CTBP2: variants seen among roughly 807,000 people sequenced by gnomAD.
The protein encoded by CTBP2 is C-terminal binding protein 2, also known as C-terminal-binding protein 2.
In CTBP2, 30 loss-of-function variants were observed where a neutral mutation model predicts 80.3. The ratio of observed to expected loss-of-function variants is 0.37; its 90% CI spans 0.28 to 0.51. The LOEUF (loss-of-function observed/expected upper bound fraction) is 0.51. CTBP2 is among the 20% of genes least tolerant of loss of function. The pLI is 0.93. For missense variants in CTBP2, 1,212 were observed against 1,375.3 expected (o/e 0.88, Z 1.88); for synonymous variants, 594 against 587.4 (o/e 1.01, Z -0.16).
In CTBP2 at chr10:125,026,941, G is replaced by A. The variant is rs200482999; in HGVS notation, c.819C>T (p.Tyr273=). Reference sequence around the variant, plus strand: ...CCTGGAAGGTGGACAGGTCAGCTTCGTAAGTCTCGTAAGCCATCTTGGATG... The same window carrying A: ...CCTGGAAGGTGGACAGGTCAGCTTCATAAGTCTCGTAAGCCATCTTGGATG... Residue 273 remains tyrosine, a synonymous_variant, in exon 1 of 9, where the codon TAC becomes TAT. Coordinates refer to ENST00000309035, the MANE Select transcript of CTBP2 (RefSeq NM_022802.3). 18 of 1,614,040 alleles carry A rather than the reference G, an allele frequency of 1.1e-5. No individual in the cohort carries two copies. Among genetic ancestry groups the A allele is most frequent in the East Asian group, 8.9e-5 (4 of 44,864 alleles).
intron 1 of CTBP2, among the ~76,000 whole-genome samples, chr10:125,115,436 G>T (rs1853081566): frequency 1.3e-5 from 2 of 152,214 alleles, no homozygotes; most frequent in Admixed American, 1.3e-4. Flanking sequence ...CAAGGAGTTA[G>T]CAAGAATTAA....
chr10:125,101,778 C>A lies in CTBP2; in HGVS notation c.-102+9212G>T, dbSNP rs180915486. On this transcript the variant is annotated intron_variant, in intron 2 of 10. Coordinates refer to the CTBP2 transcript ENST00000337195. The stretch of plus-strand genomic sequence containing the variant: ...TACCTTCCCCTCCAGCCCAGCCAGG[C>A]GAGCAGGGCATCTCCCACATGCTAA... Among the ~76,000 whole-genome samples the A allele has an allele frequency of 2.3e-3, 352 of 152,306 alleles. 2 individuals are homozygous for A. Among genetic ancestry groups the A allele is most frequent in the Non-Finnish European group, 8.7e-4 (59 of 68,016 alleles).
At chr10:125,128,570 C>T (rs1855639196) in intron 1 of CTBP2, among the ~76,000 whole-genome samples, 1 of 152,242 alleles carries the variant, frequency 6.6e-6, no homozygotes, top group Non-Finnish European at 1.5e-5. Context: ...GTGCAGACCC[C>T]TGCCCCCATC....
chr10:124,997,363 CCCCATG>C, intron 4 of CTBP2: 2 of 155,442 alleles, frequency 1.3e-5, no homozygotes, highest in Admixed American at 6.2e-5. Context: ...CTCCTCGAGC[CCCCATG>C]GAATCAGGCT....
intron 1 of CTBP2, among the ~76,000 whole-genome samples, chr10:125,123,334 C>A (rs913049388): frequency 3.3e-5 from 5 of 152,118 alleles, no homozygotes; most frequent in Admixed American, 2.6e-4. Flanking sequence ...TGAATAGTAT[C>A]CATGGATTCT....
At chr10:125,076,576 A>T (rs1487058153) in intron 2 of CTBP2, among the ~76,000 whole-genome samples, 5 of 152,166 alleles carry the variant, frequency 3.3e-5, no homozygotes, top group Non-Finnish European at 7.3e-5. Context: ...AGCACCTGGG[A>T]CTTGAGAGGC....
At position 125,098,657 on chromosome 10, in the gene CTBP2, G is replaced by GGA. The variant is rs565818097; in HGVS notation, c.-102+12331_-102+12332dup. On this transcript the variant is annotated intron_variant, in intron 2 of 10. Transcript: ENST00000337195. ...GAACAGAGAGAGAAATGGGGGAGGG[G>GGA]GAGAGAGAGAGAGAGAGAGAGAGAG... is the stretch of plus-strand genomic sequence containing the variant. Among the ~76,000 whole-genome samples, 27 of 44,990 alleles carry GGA rather than the reference G, an allele frequency of 6.0e-4. 3 individuals are homozygous for GGA. Among genetic ancestry groups the GGA allele is most frequent in the South Asian group, 1.8e-3 (2 of 1,084 alleles). 29.5% of individuals were successfully genotyped at this position (44,990 alleles called of 152,430 possible). A position where few individuals can be genotyped will look rare whatever the true frequency, so the allele number is the denominator to read the frequency against.
chr10:124,985,133 C>G lies in CTBP2; in HGVS notation c.*4385G>C, dbSNP rs1471431906. On this transcript the variant is annotated 3_prime_UTR_variant, in exon 9 of 9. Transcript: ENST00000309035. ...CTCGGGGAAGTGTTTTCCTGGACCA[C>G]ACACACCTTATGGAGATAATGCCTC... 9.2e-6 allele frequency: 6 copies of G among 649,808 alleles called. No homozygotes were observed. The highest frequency in any genetic ancestry group is 1.6e-5 in the Non-Finnish European group (6 of 374,856). 40.3% of individuals were successfully genotyped at this position (649,808 alleles called of 1,614,324 possible). A position where few individuals can be genotyped will look rare whatever the true frequency, so the allele number is the denominator to read the frequency against.
rs1178002091 is a variant in CTBP2 at position 124,989,181 on chromosome 10, T to C, written c.*337A>G. On this transcript the variant is annotated 3_prime_UTR_variant, in exon 9 of 9. Transcript: ENST00000309035. ...TGTTGTTTGAACTCTTGATGCAACATTGTAGAGCAGGGTGTTCAGGACCTG... is the reference window on the plus strand; with the variant it reads ...TGTTGTTTGAACTCTTGATGCAACACTGTAGAGCAGGGTGTTCAGGACCTG... The C allele has an allele frequency of 3.5e-6, 1 of 284,612 alleles. No homozygotes were observed. The highest frequency in any genetic ancestry group is 6.8e-6 in the Non-Finnish European group (1 of 147,664). The allele number at this position is 284,612 out of a possible 1,614,324, so 17.6% of individuals were successfully genotyped here.
chr10:125,031,537 A>C (rs1590201314), upstream of CTBP2, among the ~76,000 whole-genome samples: 1 of 132,026 alleles, frequency 7.6e-6, no homozygotes, highest in Admixed American at 7.9e-5. Context: ...TCAACCCCCT[A>C]CCCCCTGCCC....
At chr10:125,095,782 A>T (rs1259792013) in intron 2 of CTBP2, among the ~76,000 whole-genome samples, 1 of 152,220 alleles carries the variant, frequency 6.6e-6, no homozygotes, top group Non-Finnish European at 1.5e-5. Context: ...CAGACAGCAC[A>T]GTTTCTGTAG....
chr10:125,124,099 G>A (rs1048617359), intron 1 of CTBP2, among the ~76,000 whole-genome samples: 6 of 152,212 alleles, frequency 3.9e-5, no homozygotes, highest in Non-Finnish European at 7.3e-5. Context: ...CCAACACCCA[G>A]CTTGCTCAAA....
rs529626123 is a variant in CTBP2 at position 125,034,173 on chromosome 10, C to T, written c.58+4824G>A. The stretch of plus-strand genomic sequence containing the variant: ...GAGTAACAACAGAGAAATAAAACAC[C>T]GAACCTGATTCACAGCTGCAGAACG... On this transcript the variant is annotated intron_variant, in intron 3 of 10. Coordinates refer to the CTBP2 transcript ENST00000337195. Among the ~76,000 whole-genome samples the T allele has an allele frequency of 4.6e-5, 7 of 152,286 alleles. No homozygotes were observed. In the East Asian group the frequency reaches 9.6e-4, roughly 21 times the overall value.
intron 1 of CTBP2, among the ~76,000 whole-genome samples, chr10:125,123,078 A>G (rs1854602352): frequency 6.6e-6 from 1 of 152,236 alleles, no homozygotes; most frequent in Admixed American, 6.5e-5. Context: ...ACCAGGAAGT[A>G]GGTAGGACAC....
intron 2 of CTBP2, among the ~76,000 whole-genome samples, chr10:125,104,161 G>C (rs766562758): frequency 2.0e-4 from 30 of 152,178 alleles, no homozygotes; most frequent in Non-Finnish European, 2.9e-4. Context: ...ACGTGGAGCT[G>C]ACTGGATGCT....
At chr10:124,999,691 G>C (rs1054117929) in intron 3 of CTBP2, 7 of 152,242 alleles carry the variant, frequency 4.6e-5, no homozygotes, top group Non-Finnish European at 2.9e-5. Context: ...ACTTTCCCAC[G>C]AGCTGGATGC....
intron 2 of CTBP2, among the ~76,000 whole-genome samples, chr10:125,046,872 G>A (rs1209258782): frequency 1.3e-5 from 2 of 152,170 alleles, no homozygotes; most frequent in Admixed American, 6.5e-5. Context: ...GTTAGCACAC[G>A]AAAATACATT....
chr10:125,086,645 T>A (rs1003778448), intron 2 of CTBP2, among the ~76,000 whole-genome samples: 1 of 145,044 alleles, frequency 6.9e-6, no homozygotes, highest in African/African-American at 2.6e-5. Context: ...AAGGAAGATC[T>A]CATTTGACCC....
chr10:125,147,499 C>A (rs1375648591), intron 1 of CTBP2, among the ~76,000 whole-genome samples: 1 of 152,136 alleles, frequency 6.6e-6, no homozygotes, highest in Non-Finnish European at 1.5e-5. Flanking sequence ...TTGCTTTGGG[C>A]CCCAGGAATC....
Sources: gnomAD v4.1 joint callset for allele counts (sites outside exome capture counted in the v4.1 genomes callset) on GRCh38, gnomAD v4.1.1 for gene constraint, MANE v1.5 for transcripts, NCBI Gene and HGNC (gene_info 2026-07-23, HGNC 2026-07-21) for gene names.